Variants in PRDM5 observed in about 807,000 individuals in gnomAD.
PRDM5 encodes PR/SET domain 5, also known as PR domain zinc finger protein 5.
Under a neutral mutation model 81.2 loss-of-function variants are expected in PRDM5, and 56 were observed. The observed-to-expected ratio is 0.69, with a 90% CI of 0.56 to 0.86. PRDM5 has a LOEUF of 0.86. Ranked by LOEUF, PRDM5 falls within the 40% of genes least tolerant of loss-of-function variation. The pLI, the probability that PRDM5 is intolerant of heterozygous loss-of-function variation, is 0.00. For synonymous variants in PRDM5, 267 were observed against 256.4 expected (o/e 1.04, Z -0.39); for missense variants, 697 against 770.1 (o/e 0.91, Z 1.12).
intron 14 of PRDM5, among the ~76,000 whole-genome samples, chr4:120,753,409 T>C (rs570901240): frequency 6.8e-4 from 103 of 152,292 alleles, no homozygotes; most frequent in African/African-American, 2.3e-3. Flanking sequence ...TATGAATGAA[T>C]ATGATACTAC....
At chr4:120,853,628 T>C in intron 2 of PRDM5, 88 bp from the exon 3 acceptor site, 1 of 1,537,176 alleles carries the variant, frequency 6.5e-7, no homozygotes, top group Admixed American at 1.7e-5. Flanking sequence ...CGTTTTTTCA[T>C]AAGTATATAC....
rs1213874411 is a variant in PRDM5, at chr4:120,798,306, C to T, written c.1149G>A (p.Lys383=). ...DKPYKCKLCG[K]GFAHRNVYKN... ...TGTAAACATTTCTGTGGGCAAATCC[C>T]TTTCCACAAAGTTTGCATTTGTAAG... Residue 383 remains lysine (K), a synonymous_variant, in exon 10 of 16, where the codon AAG becomes AAA. Transcript: ENST00000264808. The T allele has an allele frequency of 6.2e-7, 1 of 1,610,046 alleles. No individual in the cohort carries two copies. Among genetic ancestry groups the T allele is most frequent in the Non-Finnish European group, 8.5e-7 (1 of 1,178,128 alleles).
At chr4:120,730,801 T>C (rs564625339) in intron 14 of PRDM5, among the ~76,000 whole-genome samples, 1 of 152,256 alleles carries the variant, frequency 6.6e-6, no homozygotes, top group South Asian at 2.1e-4. Flanking sequence ...TTATAGAGGT[T>C]TATTTTAGCT....
intron 2 of PRDM5, among the ~76,000 whole-genome samples, chr4:120,872,714 A>C (rs905836561): frequency 6.6e-6 from 1 of 152,184 alleles, no homozygotes; most frequent in Non-Finnish European, 1.5e-5. Context: ...TGATCGCACC[A>C]CTGTACTAAA....
chr4:120,781,069 CAT>C (rs755087842), intron 12 of PRDM5, 72 bp downstream of exon 12: 305 of 1,219,716 alleles, frequency 2.5e-4, no homozygotes, highest in East Asian at 1.4e-3. Flanking sequence ...ATAATTATCA[CAT>C]GTTAGTTAAC....
intron 2 of PRDM5, among the ~76,000 whole-genome samples, chr4:120,894,007 T>C (rs1269605016): frequency 6.6e-6 from 1 of 152,228 alleles, no homozygotes; most frequent in Non-Finnish European, 1.5e-5. Context: ...ATTGAAATAC[T>C]TAGTCCATTT....
At chr4:120,812,476 G>A (rs1007045205) in intron 7 of PRDM5, 4 of 167,572 alleles carry the variant, frequency 2.4e-5, no homozygotes, top group African/African-American at 7.2e-5. Context: ...TAACTAGGGT[G>A]AGATGATATC....
At chr4:120,918,946 C>A (rs1724555190) in intron 1 of PRDM5, among the ~76,000 whole-genome samples, 1 of 152,208 alleles carries the variant, frequency 6.6e-6, no homozygotes, top group African/African-American at 2.4e-5. Context: ...ATGGTTGCAG[C>A]CTGCCAAGTG....
chr4:120,919,839 A>G (rs1401077234), intron 1 of PRDM5, among the ~76,000 whole-genome samples: 1 of 152,172 alleles, frequency 6.6e-6, no homozygotes, highest in Non-Finnish European at 1.5e-5. Context: ...TCTGATTATT[A>G]GCAAATCACA....
chr4:120,773,277 G>GA (rs1747564090), intron 13 of PRDM5, among the ~76,000 whole-genome samples: 1 of 151,832 alleles, frequency 6.6e-6, no homozygotes. Context: ...GCCTGTCATT[G>GA]AAAAAAATAA....
intron 14 of PRDM5, chr4:120,731,517 A>T (rs1740260964): frequency 6.6e-6 from 1 of 152,086 alleles, no homozygotes; most frequent in South Asian, 2.1e-4. Flanking sequence ...ACTGGAGAAA[A>T]ATCTGCTTTA....
intron 2 of PRDM5, among the ~76,000 whole-genome samples, chr4:120,856,959 A>G (rs1420353831): frequency 6.6e-6 from 1 of 152,204 alleles, no homozygotes; most frequent in African/African-American, 2.4e-5. Context: ...CCTGGGGCCA[A>G]TGATGAAGTC....
chr4:120,774,772 C>A (rs1013810045), intron 13 of PRDM5, among the ~76,000 whole-genome samples: 1 of 151,814 alleles, frequency 6.6e-6, no homozygotes, highest in African/African-American at 2.4e-5. Context: ...TTATTTTAAA[C>A]AGAAAAATCT....
In PRDM5 at chr4:120,777,360, A is replaced by G. The variant is rs1299911464; in HGVS notation, c.1444-79T>C. On this transcript the variant is annotated intron_variant, in intron 12 of 15. Transcript: ENST00000264808. ...ATGATTAAATGCCTCTGACAATAGT[A>G]AATCCTTATTTTGTAGGATTACATT... 3.1e-6 allele frequency: 5 copies of G among 1,597,300 alleles called. 1 individual carries two copies. The South Asian group carries it at 3.4e-5, about 11-fold the overall frequency.
At chr4:120,863,700 A>C (rs1211287341) in intron 2 of PRDM5, among the ~76,000 whole-genome samples, 1 of 152,208 alleles carries the variant, frequency 6.6e-6, no homozygotes, top group Non-Finnish European at 1.5e-5. Context: ...CCATCTAGCG[A>C]TCAAATAAGG....
chr4:120,795,987 T>C (rs946196950), intron 10 of PRDM5, among the ~76,000 whole-genome samples: 13 of 152,170 alleles, frequency 8.5e-5, no homozygotes, highest in Non-Finnish European at 1.6e-4. Context: ...CAAGCAAGTC[T>C]AAATGTTAAG....
chr4:120,863,225 C>CAT (rs1159735125), intron 2 of PRDM5, among the ~76,000 whole-genome samples: 1 of 138,656 alleles, frequency 7.2e-6, no homozygotes, highest in Non-Finnish European at 1.5e-5. Context: ...CACACACACA[C>CAT]ATATATATGT....
At chr4:120,804,983 A>C (rs1338797559) in intron 8 of PRDM5, among the ~76,000 whole-genome samples, 1 of 152,176 alleles carries the variant, frequency 6.6e-6, no homozygotes, top group Non-Finnish European at 1.5e-5. Flanking sequence ...AAGAGAGAAG[A>C]ATCAAATAGA....
intron 8 of PRDM5, among the ~76,000 whole-genome samples, chr4:120,810,100 T>C (rs573448187): frequency 6.6e-6 from 1 of 152,192 alleles, no homozygotes; most frequent in Non-Finnish European, 1.5e-5. Context: ...ATAAATGTAA[T>C]GTGCTTGAAT....
Sources: gnomAD v4.1 joint callset for allele counts (sites outside exome capture counted in the v4.1 genomes callset) on GRCh38, gnomAD v4.1.1 for gene constraint, MANE v1.5 for transcripts, NCBI Gene and HGNC (gene_info 2026-07-23, HGNC 2026-07-21) for gene names.